The following NEK1 variants were observed in gnomAD, a reference collection of about 807,000 sequenced individuals.
NEK1 encodes NIMA related kinase 1, also known as serine/threonine-protein kinase Nek1.
A neutral mutation model predicts 182.1 loss-of-function variants in NEK1; 137 were observed. That is an observed-to-expected ratio of 0.75 (90% CI 0.65 to 0.87). The LOEUF (loss-of-function observed/expected upper bound fraction) is 0.87, where lower values mean the gene tolerates loss of function less well. Ranked by LOEUF, NEK1 falls within the 40% of genes least tolerant of loss-of-function variation. The pLI, the probability that NEK1 is intolerant of heterozygous loss-of-function variation, is 0.00. For missense variants in NEK1, 1,391 were observed against 1,494.4 expected, an observed-to-expected ratio of 0.93 and a Z score of 1.14; for synonymous variants, 513 against 492.2, an observed-to-expected ratio of 1.04 and a Z score of -0.56.
intron 12 of NEK1, among the ~76,000 whole-genome samples, chr4:169,572,587 C>CA (rs906444649): frequency 7.2e-5 from 11 of 152,018 alleles, no homozygotes; most frequent in Admixed American, 7.2e-4. Context: ...CGTATGGATA[C>CA]AAAAAAGAAG....
intron 35 of NEK1, among the ~76,000 whole-genome samples, chr4:169,394,885 T>C (rs1253802244): frequency 2.6e-5 from 4 of 152,200 alleles, no homozygotes; most frequent in Non-Finnish European, 5.9e-5. Context: ...TAAGTGATAA[T>C]GTAAGATTAG....
intron 27 of NEK1, among the ~76,000 whole-genome samples, chr4:169,446,854 C>T (rs528864863): frequency 6.6e-6 from 1 of 151,916 alleles, no homozygotes; most frequent in South Asian, 2.1e-4. Flanking sequence ...CTTGAAAATA[C>T]ATAGTGAGAG....
intron 18 of NEK1, among the ~76,000 whole-genome samples, chr4:169,544,058 T>C (rs1393230590): frequency 6.6e-6 from 1 of 152,220 alleles, no homozygotes; most frequent in African/African-American, 2.4e-5. Flanking sequence ...CCTTGTCTTG[T>C]GCTGGTTTTC....
intron 2 of NEK1, among the ~76,000 whole-genome samples, chr4:169,602,879 A>G (rs926016971): frequency 2.6e-5 from 4 of 152,164 alleles, no homozygotes; most frequent in African/African-American, 7.2e-5. Flanking sequence ...AAAAAATGTG[A>G]TATTTCAATT....
At chr4:169,477,410 A>G (rs759208530) in intron 25 of NEK1, 22 bp downstream of exon 25, 6 of 1,587,256 alleles carry the variant, frequency 3.8e-6, no homozygotes, top group Non-Finnish European at 5.1e-6. Context: ...AATGATTGAT[A>G]AACTTTGAAA....
Position 169,477,369 on chromosome 4 carries a change from T to C in NEK1, c.2206-17A>G, listed in dbSNP as rs1282369724. ...TCGCTTACTCTGAAAGTCACGACAT[T>C]ATATATTTTAATATGTATATCATTA... On this transcript the variant is annotated splice_polypyrimidine_tract_variant and intron_variant, in intron 25 of 35. Coordinates refer to ENST00000507142, the MANE Select transcript of NEK1 (RefSeq NM_001199397.3). 1 of 1,554,480 alleles carries C rather than the reference T, an allele frequency of 6.4e-7. No homozygotes were observed. Among genetic ancestry groups the C allele is most frequent in the Non-Finnish European group, 8.7e-7 (1 of 1,146,862 alleles).
chr4:169,521,884 T>A (rs549561469), intron 19 of NEK1, among the ~76,000 whole-genome samples: 1 of 152,328 alleles, frequency 6.6e-6, no homozygotes. Flanking sequence ...TTTCTTAGTG[T>A]GGATTCGAGT....
intron 18 of NEK1, among the ~76,000 whole-genome samples, chr4:169,552,735 CA>C (rs1181768122): frequency 2.6e-5 from 4 of 152,008 alleles, no homozygotes; most frequent in Non-Finnish European, 4.4e-5. Context: ...GTGATGATAG[CA>C]AAGTTGCAGG....
At position 169,507,087 on chromosome 4, in the gene NEK1, G is replaced by T; in HGVS notation, c.1957C>A (p.Arg653=). 4 of 1,602,098 alleles carry T rather than the reference G, an allele frequency of 2.5e-6. No individual in the cohort carries two copies. Among genetic ancestry groups the T allele is most frequent in the Non-Finnish European group, 2.6e-6 (3 of 1,174,412 alleles). Residue 653 remains arginine (R), a synonymous_variant, in exon 23 of 36, where the codon CGA becomes AGA. Transcript: ENST00000507142. ...RAAVLKEQLE[R]KRKEAYEREK... is the part of the protein sequence containing the mutation. The stretch of plus-strand genomic sequence containing the variant: ...CTCTCATAAGCCTCCTTTCTCTTTC[G>T]TTCTAGTTGTTCTTTTAGTACAGCA...
At position 169,582,569 on chromosome 4, in the gene NEK1, G is replaced by A. The variant is rs1026997443; in HGVS notation, c.808-1667C>T. ...CATTTTTTTCCTTTTCTTTTTCTTG[G>A]AAGAAAACAGGTGGTTTATGATCTC... On this transcript the variant is annotated intron_variant, in intron 10 of 35. Transcript: ENST00000507142. Among the ~76,000 whole-genome samples the A allele has an allele frequency of 2.6e-5, 4 of 152,104 alleles. No homozygotes were observed. The East Asian group carries it at 7.7e-4, about 29-fold the overall frequency.
intron 23 of NEK1, among the ~76,000 whole-genome samples, chr4:169,496,749 G>T (rs1390296293): frequency 1.3e-5 from 2 of 151,948 alleles, no homozygotes; most frequent in Non-Finnish European, 2.9e-5. Context: ...TCCCAGGGAT[G>T]AAGCCCACTT....
At chr4:169,584,127 T>C (rs748409016) in intron 10 of NEK1, among the ~76,000 whole-genome samples, 1 of 152,224 alleles carries the variant, frequency 6.6e-6, no homozygotes, top group Non-Finnish European at 1.5e-5. Context: ...CTTATGCTAA[T>C]TGATTTGATA....
At chr4:169,564,295 A>G (rs926091679) in intron 12 of NEK1, among the ~76,000 whole-genome samples, 1 of 152,162 alleles carries the variant, frequency 6.6e-6, no homozygotes, top group Non-Finnish European at 1.5e-5. Flanking sequence ...CATTACTTAA[A>G]AAAATTACTT....
chr4:169,580,980 T>G (rs1766541159), intron 10 of NEK1, 78 bp from the exon 11 acceptor site: 1 of 611,216 alleles, frequency 1.6e-6, no homozygotes, highest in Admixed American at 3.7e-5. Flanking sequence ...TTATAATACA[T>G]CTTCCCCTTT....
chr4:169,569,347 T>C (rs1175138194), intron 12 of NEK1, among the ~76,000 whole-genome samples: 1 of 152,234 alleles, frequency 6.6e-6, no homozygotes, highest in Admixed American at 6.5e-5. Flanking sequence ...GACACATGCA[T>C]ACAATGTGTA....
At chr4:169,504,027 C>T (rs1278118431) in intron 23 of NEK1, among the ~76,000 whole-genome samples, 1 of 152,020 alleles carries the variant, frequency 6.6e-6, no homozygotes, top group African/African-American at 2.4e-5. Context: ...AACCACTCAA[C>T]AGGAAAAATC....
intron 27 of NEK1, among the ~76,000 whole-genome samples, chr4:169,456,342 TAGA>T (rs1347252201): frequency 2.0e-5 from 3 of 151,754 alleles, no homozygotes; most frequent in Admixed American, 2.0e-4. Flanking sequence ...CCAAAAGTAG[TAGA>T]AGAAAAGAAA....
rs868235262 is a variant in NEK1 at position 169,562,179 on chromosome 4, C to A, written c.1038G>T (p.Glu346Asp). 6.5e-7 allele frequency: 1 copy of A among 1,548,056 alleles called. No homozygotes were observed. Among genetic ancestry groups the A allele is most frequent in the Non-Finnish European group, 8.7e-7 (1 of 1,144,340 alleles). The part of the protein sequence containing the change: ...QKHKQAHQTP[E>D]KRVNTGEERR... ...TTTCTTCTCCAGTATTCACTCTCTT[C>A]TCTGGAGTTTGATGGGCCTGGACAA... The change falls in exon 13 of 36, where the codon GAG becomes GAT. Residue 346 changes from glutamate to aspartate, a missense_variant. Transcript: ENST00000507142.
intron 27 of NEK1, among the ~76,000 whole-genome samples, chr4:169,440,220 C>T (rs1739182521): frequency 6.6e-6 from 1 of 150,674 alleles, no homozygotes; most frequent in East Asian, 1.9e-4. Context: ...AGAATATAAA[C>T]AGGCAATTTT....
Sources: allele counts gnomAD v4.1 joint callset (sites outside exome capture counted in the v4.1 genomes callset), GRCh38; gene constraint gnomAD v4.1.1; transcripts MANE v1.5; gene names NCBI Gene and HGNC (gene_info 2026-07-23, HGNC 2026-07-21).